APP: variants seen among roughly 807,000 people sequenced by gnomAD.
The protein encoded by APP is amyloid-beta precursor protein.
In APP, 31 loss-of-function variants were observed where a neutral mutation model predicts 101.4. That is an observed-to-expected ratio of 0.31 (90% CI 0.23 to 0.41). The LOEUF (loss-of-function observed/expected upper bound fraction) is 0.41. APP is among the 10% of genes least tolerant of loss of function. The pLI is 1.00. For missense variants in APP, 839 were observed against 1,003.7 expected (o/e 0.84, Z 2.22); for synonymous variants, 366 against 364.4 (o/e 1.00, Z -0.05).
intron 1 of APP, among the ~76,000 whole-genome samples, chr21:26,141,514 A>T (rs2063045165): frequency 6.6e-6 from 1 of 152,204 alleles, no homozygotes; most frequent in African/African-American, 2.4e-5. Context: ...ACAAGAGCTG[A>T]TGCTAAAGGA....
At chr21:26,090,539 G>C (rs1020917729) in intron 2 of APP, among the ~76,000 whole-genome samples, 5 of 151,946 alleles carry the variant, frequency 3.3e-5, no homozygotes, top group African/African-American at 1.2e-4. Context: ...TTAATTTATT[G>C]TACTCATTTA....
rs1030369433 is a variant in APP, at chr21:26,106,653, C to T, written c.225+5326G>A. On this transcript the variant is annotated intron_variant, in intron 2 of 17. Coordinates refer to ENST00000346798, the MANE Select transcript of APP (RefSeq NM_000484.4). ...CACGGAGCTCGGCCAAAACCTAGTT[C>T]TTAAGAGATACCTGCAACTAGTGCT... Among the ~76,000 whole-genome samples, 4 of 152,332 alleles carry T rather than the reference C, an allele frequency of 2.6e-5. No individual in the cohort carries two copies. In the East Asian group the frequency reaches 7.7e-4, roughly 29 times the overall value.
intron 3 of APP, among the ~76,000 whole-genome samples, chr21:26,071,557 G>A (rs575050409): frequency 1.3e-5 from 2 of 152,148 alleles, no homozygotes; most frequent in African/African-American, 2.4e-5. Flanking sequence ...AATTAGAGGG[G>A]GTTAACCCTT....
At chr21:25,959,635 T>C (rs1384902341) in intron 11 of APP, among the ~76,000 whole-genome samples, 1 of 152,182 alleles carries the variant, frequency 6.6e-6, no homozygotes, top group African/African-American at 2.4e-5. Flanking sequence ...CTGTCCTAGG[T>C]TTCTGGAGTT....
chr21:26,168,538 A>G (rs1462941841), intron 1 of APP, among the ~76,000 whole-genome samples: 2 of 152,226 alleles, frequency 1.3e-5, no homozygotes, highest in Non-Finnish European at 2.9e-5. Flanking sequence ...CTAAATTCGA[A>G]TCTGCCTACA....
At chr21:25,939,039 T>C (rs1371129594) in intron 13 of APP, among the ~76,000 whole-genome samples, 2 of 152,348 alleles carry the variant, frequency 1.3e-5, no homozygotes, top group East Asian at 1.9e-4. Context: ...AGACACACTT[T>C]GATTTCTGAA....
intron 6 of APP, among the ~76,000 whole-genome samples, chr21:26,001,360 C>G (rs2043285869): frequency 6.6e-6 from 1 of 152,206 alleles, no homozygotes. Context: ...CAGCCCAATT[C>G]TCTCTCTGGG....
At chr21:25,991,585 C>T (rs1048737267) in intron 8 of APP, among the ~76,000 whole-genome samples, 1 of 152,184 alleles carries the variant, frequency 6.6e-6, no homozygotes, top group Non-Finnish European at 1.5e-5. Context: ...GCCATGTTGG[C>T]CAGGCTGGTC....
Position 26,170,757 on chromosome 21 carries a change from C to G in APP, c.-137G>C. 1.1e-6 allele frequency: 1 copy of G among 934,668 alleles called. No homozygotes were observed. Among genetic ancestry groups the G allele is most frequent in the Non-Finnish European group, 1.5e-6 (1 of 673,256 alleles). 57.9% of individuals were successfully genotyped at this position (934,668 alleles called of 1,614,324 possible). Reference sequence around the variant, plus strand: ...CTCCGCGTGCTCTCGCCTACCGCTGCCGAGGAAACTGACGGAGCCCGAGCG... The same window carrying G: ...CTCCGCGTGCTCTCGCCTACCGCTGGCGAGGAAACTGACGGAGCCCGAGCG... On this transcript the variant is annotated 5_prime_UTR_variant, in exon 1 of 18. Transcript: ENST00000346798.
At chr21:26,105,573 C>T (rs2062164241) in intron 2 of APP, among the ~76,000 whole-genome samples, 1 of 151,224 alleles carries the variant, frequency 6.6e-6, no homozygotes, top group African/African-American at 2.4e-5. Context: ...CATGAAAATC[C>T]AAGCCTACAA....
At chr21:26,020,929 T>TAA (rs2044307002) in intron 6 of APP, among the ~76,000 whole-genome samples, 3 of 152,092 alleles carry the variant, frequency 2.0e-5, no homozygotes, top group Admixed American at 2.0e-4. Context: ...AAGACATTAA[T>TAA]ACTATATTTA....
chr21:25,959,170 C>T (rs919840863), intron 11 of APP, among the ~76,000 whole-genome samples: 3 of 152,252 alleles, frequency 2.0e-5, no homozygotes, highest in African/African-American at 7.2e-5. Flanking sequence ...CGCCGTGGCT[C>T]ACGCCTGTAA....
At chr21:25,940,942 C>A (rs746930094) in intron 13 of APP, among the ~76,000 whole-genome samples, 1 of 152,228 alleles carries the variant, frequency 6.6e-6, no homozygotes, top group African/African-American at 2.4e-5. Context: ...TGATGCCAGG[C>A]GATGCTGATG....
chr21:25,888,878 G>C (rs916682020), intron 17 of APP, among the ~76,000 whole-genome samples: 4 of 152,332 alleles, frequency 2.6e-5, no homozygotes, highest in Admixed American at 2.6e-4. Context: ...CTTGCGCGGA[G>C]AACTAAAAGG....
intron 1 of APP, among the ~76,000 whole-genome samples, chr21:26,149,042 G>C (rs114634992): frequency 0.015 from 2,298 of 152,318 alleles, 55 homozygotes; most frequent in African/African-American, 0.051. Context: ...AAGACACCAA[G>C]TAGAGATATC....
intron 13 of APP, among the ~76,000 whole-genome samples, chr21:25,913,332 T>C (rs2039177013): frequency 6.6e-6 from 1 of 152,240 alleles, no homozygotes; most frequent in South Asian, 2.1e-4. Context: ...ATCTGAGTTA[T>C]AATATATCCC....
In APP at chr21:25,975,942, T is replaced by C; in HGVS notation, c.1299+12A>G. On this transcript the variant is annotated intron_variant, in intron 10 of 17. Transcript: ENST00000346798. ...CATGTGATGTTTGGTAGGAAATGGG[T>C]TCAGGTTTTACCTGGATAACTGCCT... 1 of 1,611,462 alleles carries C rather than the reference T, an allele frequency of 6.2e-7. No individual in the cohort carries two copies. The highest frequency in any genetic ancestry group is 2.2e-5 in the East Asian group (1 of 44,812).
chr21:26,008,305 G>T (rs2043627916), intron 6 of APP, among the ~76,000 whole-genome samples: 2 of 152,164 alleles, frequency 1.3e-5, no homozygotes, highest in Non-Finnish European at 2.9e-5. Flanking sequence ...ACTCACAAAA[G>T]GGTACCACTG....
At chr21:25,951,284 A>G (rs1316186024) in intron 13 of APP, among the ~76,000 whole-genome samples, 1 of 152,232 alleles carries the variant, frequency 6.6e-6, no homozygotes. Context: ...TTCACCCATA[A>G]AAGAGAATTC....
Sources: allele counts gnomAD v4.1 joint callset (sites outside exome capture counted in the v4.1 genomes callset), GRCh38; gene constraint gnomAD v4.1.1; transcripts MANE v1.5; gene names NCBI Gene and HGNC (gene_info 2026-07-23, HGNC 2026-07-21).